The following CARF variants were observed in gnomAD, a reference collection of about 807,000 sequenced individuals.
CARF encodes calcium-responsive transcription factor.
A neutral mutation model predicts 82.0 loss-of-function variants in CARF; 57 were observed. The ratio of observed to expected loss-of-function variants is 0.70; its 90% CI spans 0.56 to 0.87. The LOEUF (loss-of-function observed/expected upper bound fraction) is 0.87, where lower values mean the gene tolerates loss of function less well. Among genes scored for constraint, CARF ranks in the 40% least tolerant of loss-of-function variants. The pLI is 0.00. For missense variants in CARF, 771 were observed against 855.8 expected (o/e 0.90, Z 1.24); for synonymous variants, 268 against 290.1 (o/e 0.92, Z 0.77).
intron 1 of CARF, among the ~76,000 whole-genome samples, chr2:202,913,307 A>G (rs1017740429): frequency 3.3e-5 from 5 of 152,234 alleles, no homozygotes; most frequent in African/African-American, 9.6e-5. Context: ...TCACCTTTGT[A>G]GCTCCGAATC....
chr2:202,980,407 T>A (rs1182501254), intron 14 of CARF, among the ~76,000 whole-genome samples: 1 of 151,624 alleles, frequency 6.6e-6, no homozygotes, highest in Non-Finnish European at 1.5e-5. Flanking sequence ...TATACCAAAA[T>A]GAGTTATTGA....
intron 5 of CARF, among the ~76,000 whole-genome samples, chr2:202,952,146 T>C (rs1329651592): frequency 2.6e-5 from 4 of 152,182 alleles, no homozygotes; most frequent in Non-Finnish European, 4.4e-5. Context: ...GTTACCATTT[T>C]TAAACGAAGG....
intron 7 of CARF, among the ~76,000 whole-genome samples, chr2:202,954,795 G>T (rs2058954984): frequency 6.6e-6 from 1 of 151,192 alleles, no homozygotes; most frequent in African/African-American, 2.4e-5. Flanking sequence ...GGATCACGAG[G>T]TCAGGAGATT....
At chr2:202,983,201 A>G (rs2060338458) in intron 16 of CARF, among the ~76,000 whole-genome samples, 1 of 152,182 alleles carries the variant, frequency 6.6e-6, no homozygotes. Flanking sequence ...TACAAAATAA[A>G]TGTTGAGTTG....
chr2:202,939,866 T>C (rs1287000618), intron 3 of CARF, among the ~76,000 whole-genome samples: 1 of 151,862 alleles, frequency 6.6e-6, no homozygotes, highest in Non-Finnish European at 1.5e-5. Flanking sequence ...TTGTTAAATT[T>C]TTTTGTAGAG....
chr2:202,916,729 TG>T (rs1304768157), intron 1 of CARF, among the ~76,000 whole-genome samples: 3 of 152,150 alleles, frequency 2.0e-5, no homozygotes, highest in Non-Finnish European at 4.4e-5. Context: ...CCATTTTTTT[TG>T]GATATTACAC....
intron 9 of CARF, among the ~76,000 whole-genome samples, chr2:202,963,633 T>TA (rs2059416739): frequency 6.6e-6 from 1 of 152,186 alleles, no homozygotes; most frequent in African/African-American, 2.4e-5. Flanking sequence ...ATGAAATAGT[T>TA]ACACAACTCA....
intron 3 of CARF, among the ~76,000 whole-genome samples, chr2:202,939,543 CTTATTT>C (rs1004018767): frequency 1.3e-5 from 2 of 151,906 alleles, no homozygotes; most frequent in Non-Finnish European, 2.9e-5. Context: ...TTCTATTTTT[CTTATTT>C]TTAAGTCTTT....
chr2:202,916,518 G>T (rs558974312), intron 1 of CARF, among the ~76,000 whole-genome samples: 1 of 152,040 alleles, frequency 6.6e-6, no homozygotes, highest in South Asian at 2.1e-4. Context: ...AAGATCTGGC[G>T]CTGATAATGA....
chr2:202,914,185 G>A (rs1689167852), intron 1 of CARF, among the ~76,000 whole-genome samples: 1 of 152,066 alleles, frequency 6.6e-6, no homozygotes, highest in Non-Finnish European at 1.5e-5. Flanking sequence ...TTTATGGGAT[G>A]TATTTACTAT....
intron 2 of CARF, among the ~76,000 whole-genome samples, chr2:202,923,614 GA>G (rs1691251990): frequency 6.6e-6 from 1 of 152,060 alleles, no homozygotes; most frequent in Admixed American, 6.6e-5. Context: ...CACAGAATTA[GA>G]AAAAACAATC....
chr2:202,953,396 C>T (rs2058848527), intron 6 of CARF, among the ~76,000 whole-genome samples: 1 of 150,982 alleles, frequency 6.6e-6, no homozygotes, highest in African/African-American at 2.4e-5. Flanking sequence ...TTCCTCTTTC[C>T]TTGGCTCCTT....
chr2:202,982,158 A>C lies in CARF; in HGVS notation c.1776A>C (p.Ser592=), dbSNP rs1297689517. 1.9e-6 allele frequency: 3 copies of C among 1,614,186 alleles called. No individual in the cohort carries two copies. Residue 592 remains serine (S), a synonymous_variant, in exon 16 of 17, where the codon TCA becomes TCC. Coordinates refer to ENST00000438828, the MANE Select transcript of CARF (RefSeq NM_024744.17). The part of the protein sequence containing the change: ...SVNNQPSSSP[S]GLLDTIGSAV... ...ATAACCAGCCGTCCTCTAGTCCTTC[A>C]GGACTTCTGGATACAATAGGAAGTG... is the stretch of plus-strand genomic sequence containing the variant.
Position 202,971,718 on chromosome 2 carries a change from T to C in CARF, c.1311T>C (p.Tyr437=), listed in dbSNP as rs766585933. Residue 437 remains tyrosine (Y), a synonymous_variant, in exon 12 of 17, where the codon TAT becomes TAC. Transcript: ENST00000438828. Reference sequence around the variant, plus strand: ...TATCACAGGGAATAGAACAAGTGTATGCAGTAAGGAAACAGCTAAGGTACA... The same window carrying C: ...TATCACAGGGAATAGAACAAGTGTACGCAGTAAGGAAACAGCTAAGGTACA... ...ELVSQGIEQV[Y]AVRKQLRKFV... 11 of 1,611,960 alleles carry C rather than the reference T, an allele frequency of 6.8e-6. No homozygotes were observed. In the Admixed American group the frequency reaches 1.8e-4, roughly 27 times the overall value.
intron 8 of CARF, among the ~76,000 whole-genome samples, chr2:202,956,078 A>G (rs1227208535): frequency 7.4e-6 from 1 of 134,528 alleles, no homozygotes; most frequent in Non-Finnish European, 1.6e-5. Context: ...GCTTGCACTT[A>G]TTTTTTTTTT....
rs376972433 is a variant in CARF, at chr2:202,939,767, C to T, written c.-43-2093C>T. On this transcript the variant is annotated intron_variant, in intron 3 of 16. Transcript: ENST00000438828. ...GCAGTGGCATGATTATGGCTCACTGCGGCCTCAGACTCCTGAACTCAAGAG... is the reference window on the plus strand; with the variant it reads ...GCAGTGGCATGATTATGGCTCACTGTGGCCTCAGACTCCTGAACTCAAGAG... Among the ~76,000 whole-genome samples the T allele has an allele frequency of 1.7e-4, 25 of 144,034 alleles. No individual in the cohort carries two copies. In the East Asian group the frequency reaches 3.9e-3, roughly 22 times the overall value. The allele number at this position is 144,034 out of a possible 152,430, so 94.5% of individuals were successfully genotyped here.
Position 202,982,300 on chromosome 2 carries a change from C to T in CARF, c.1918C>T (p.Gln640Ter), listed in dbSNP as rs2060296026. 1 of 1,613,976 alleles carries T rather than the reference C, an allele frequency of 6.2e-7. No individual in the cohort carries two copies. ...STMGNLPEPD[Q>*]NLVAMDELVE... Reference sequence around the variant, plus strand: ...CATGGGTAACCTTCCAGAACCAGATCAAAATCTAGTTGCAATGGACGAGCT... The same window carrying T: ...CATGGGTAACCTTCCAGAACCAGATTAAAATCTAGTTGCAATGGACGAGCT... The change falls in exon 16 of 17, where the codon CAA becomes TAA. Residue 640 changes from glutamine to a stop codon, truncating the protein, a stop_gained. Transcript: ENST00000438828. LOFTEE classifies it high-confidence loss of function.
Position 202,916,549 on chromosome 2 carries a change from C to T in CARF, c.-329-1328C>T, listed in dbSNP as rs193033124. Among the ~76,000 whole-genome samples the T allele has an allele frequency of 1.6e-3, 243 of 152,238 alleles. 2 individuals are homozygous for T. The highest frequency in any genetic ancestry group is 0.014 in the Admixed American group (207 of 15,276). On this transcript the variant is annotated intron_variant, in intron 1 of 16. Coordinates refer to ENST00000438828, the MANE Select transcript of CARF (RefSeq NM_024744.17). ...AATGAATAGATTTAAAGATCTTTTA[C>T]ATCTTAGGACATTAACCAAGGTATC...
intron 1 of CARF, among the ~76,000 whole-genome samples, chr2:202,916,065 T>G (rs989518407): frequency 6.6e-6 from 1 of 152,138 alleles, no homozygotes; most frequent in Admixed American, 6.6e-5. Context: ...ACACCACTGA[T>G]TCATAGTAAT....
Sources: gnomAD v4.1 joint callset for allele counts (sites outside exome capture counted in the v4.1 genomes callset) on GRCh38, gnomAD v4.1.1 for gene constraint, MANE v1.5 for transcripts, NCBI Gene and HGNC (gene_info 2026-07-23, HGNC 2026-07-21) for gene names.